SNX25: variants seen among roughly 807,000 people sequenced by gnomAD.
SNX25 encodes sorting nexin 25, also known as sorting nexin-25.
Under a neutral mutation model 113.7 loss-of-function variants are expected in SNX25, and 62 were observed. The ratio of observed to expected loss-of-function variants is 0.55; its 90% confidence interval spans 0.44 to 0.67. The LOEUF is 0.67. Among genes scored for constraint, SNX25 ranks in the 30% least tolerant of loss-of-function variants. SNX25 has a pLI of 0.00. For synonymous variants in SNX25, 421 were observed against 436.2 expected (o/e 0.97, Z 0.43); for missense variants, 1,014 against 1,161.0 (o/e 0.87, Z 1.84).
At chr4:185,220,863 T>C (rs1207953032) in intron 1 of SNX25, among the ~76,000 whole-genome samples, 2 of 152,020 alleles carry the variant, frequency 1.3e-5, no homozygotes, top group East Asian at 3.9e-4. Flanking sequence ...TTGTTAATTT[T>C]ATTTATTTAT....
intron 15 of SNX25, 152 bp from the exon 16 acceptor site, chr4:185,357,519 C>A (rs1462003655): frequency 7.0e-5 from 46 of 653,284 alleles, no homozygotes; most frequent in Non-Finnish European, 1.2e-4. Context: ...GTTTTCCTGA[C>A]CTAAACCCAA....
chr4:185,301,694 C>T (rs369054349), intron 6 of SNX25, among the ~76,000 whole-genome samples: 205 of 152,132 alleles, frequency 1.3e-3, no homozygotes, highest in Middle Eastern at 3.4e-3. Context: ...TCAAGCGATT[C>T]TTGTGCCTCA....
chr4:185,346,436 C>T (rs1579875690), intron 12 of SNX25, 101 bp from the exon 13 acceptor site: 1 of 780,072 alleles, frequency 1.3e-6, no homozygotes, highest in Non-Finnish European at 2.1e-6. Flanking sequence ...GGAACAAGTA[C>T]AGGAGGAGGA....
Position 185,334,580 on chromosome 4 carries a change from A to G in SNX25, c.1914+1821A>G, listed in dbSNP as rs2095217504. On this transcript the variant is annotated intron_variant, in intron 10 of 18. Coordinates refer to ENST00000652585, the MANE Select transcript of SNX25 (RefSeq NM_001378034.2). The surrounding 1 kb of genome is among the most constrained non-coding windows in gnomAD (Gnocchi z 4.2). ...GTATCTGCAATATGGCATGTTCTTT[A>G]AGAACAGTTGTCTTATTTATTCTGG... Among the ~76,000 whole-genome samples, 1 of 152,212 alleles carries G rather than the reference A, an allele frequency of 6.6e-6. No homozygotes were observed.
chr4:185,341,954 C>G, intron 11 of SNX25, 22 bp from the exon 12 acceptor site: 1 of 1,560,464 alleles, frequency 6.4e-7, no homozygotes, highest in Non-Finnish European at 8.7e-7. Context: ...TTGTAAGTAT[C>G]GATTTTGATG....
At chr4:185,247,433 A>G (rs1745018409) in intron 2 of SNX25, 55 bp downstream of exon 2, 3 of 1,244,898 alleles carry the variant, frequency 2.4e-6, no homozygotes, top group East Asian at 2.3e-5. Context: ...ATTATGTTCT[A>G]AGAGGAAAAT....
At chr4:185,279,191 G>A (rs1356530226) in intron 5 of SNX25, among the ~76,000 whole-genome samples, 1 of 151,780 alleles carries the variant, frequency 6.6e-6, no homozygotes, top group Non-Finnish European at 1.5e-5. Flanking sequence ...AGGGAGACAG[G>A]TGTGCATGTG....
the SNX25 span, chr4:185,378,012 T>G: frequency 5.6e-6 from 7 of 1,245,594 alleles, no homozygotes; most frequent in Middle Eastern, 2.1e-4. Flanking sequence ...TCTTGTCTCG[T>G]TTGCTCTAGC....
downstream of SNX25, among the ~76,000 whole-genome samples, chr4:185,367,974 T>C (rs549756641): frequency 1.3e-5 from 2 of 152,192 alleles, no homozygotes; most frequent in Non-Finnish European, 2.9e-5. Context: ...GGTCAGGAGA[T>C]CGAGACCATC....
intron 6 of SNX25, among the ~76,000 whole-genome samples, chr4:185,303,754 A>G (rs987506479): frequency 6.6e-6 from 1 of 150,654 alleles, no homozygotes; most frequent in Admixed American, 6.6e-5. Context: ...ACTCTTCTCC[A>G]TCATAAAGTG....
chr4:185,340,585 G>C (rs576349291), intron 11 of SNX25, among the ~76,000 whole-genome samples: 12 of 152,300 alleles, frequency 7.9e-5, no homozygotes, highest in African/African-American at 2.9e-4. Flanking sequence ...CTGTAGGAAG[G>C]TAATGGACTC....
the SNX25 span, among the ~76,000 whole-genome samples, chr4:185,376,443 C>CTTTTTTTTTTTTTTTTTTTTTTTTTTT: frequency 9.4e-6 from 1 of 105,824 alleles, no homozygotes; most frequent in African/African-American, 3.9e-5. Flanking sequence ...TGCCCAGCTA[C>CTTTTTTTTTTTTTTTTTTTTTTTTTTT]TTTTTTTTTT....
intron 5 of SNX25, among the ~76,000 whole-genome samples, chr4:185,278,678 T>G (rs1384969818): frequency 6.6e-6 from 1 of 152,078 alleles, no homozygotes; most frequent in Non-Finnish European, 1.5e-5. Flanking sequence ...TCACTCAAAA[T>G]GTAGGAGAAA....
intron 1 of SNX25, among the ~76,000 whole-genome samples, chr4:185,230,118 C>G (rs1741612312): frequency 1.3e-5 from 2 of 152,180 alleles, no homozygotes; most frequent in South Asian, 4.1e-4. Context: ...GCATGAGCCA[C>G]TGTGCCTGGC....
At chr4:185,263,532 A>G (rs1747614686) in intron 3 of SNX25, among the ~76,000 whole-genome samples, 1 of 152,160 alleles carries the variant, frequency 6.6e-6, no homozygotes, top group South Asian at 2.1e-4. Context: ...TTTCTTTTCT[A>G]GCGTTATACA....
chr4:185,307,255 T>C (rs1754589786), intron 6 of SNX25, among the ~76,000 whole-genome samples: 1 of 152,206 alleles, frequency 6.6e-6, no homozygotes, highest in African/African-American at 2.4e-5. Context: ...GCTGGGAGGA[T>C]GTGCAAACCA....
At position 185,362,723 on chromosome 4, in the gene SNX25, A is replaced by G; in HGVS notation, c.2934+12A>G. ...AGCATCTGTTATATGTGAGTAAATTAAAGCCCAGGGGGTTTCCTGCTTTAT... is the reference window on the plus strand; with the variant it reads ...AGCATCTGTTATATGTGAGTAAATTGAAGCCCAGGGGGTTTCCTGCTTTAT... On this transcript the variant is annotated intron_variant, in intron 18 of 18. Coordinates refer to ENST00000652585, the MANE Select transcript of SNX25 (RefSeq NM_001378034.2). 4.4e-6 allele frequency: 7 copies of G among 1,604,454 alleles called. No individual in the cohort carries two copies. Among genetic ancestry groups the G allele is most frequent in the Non-Finnish European group, 6.0e-6 (7 of 1,172,858 alleles).
At position 185,310,724 on chromosome 4, in the gene SNX25, T is replaced by A; in HGVS notation, c.1252T>A (p.Cys418Ser). 1 of 1,613,916 alleles carries A rather than the reference T, an allele frequency of 6.2e-7. No individual in the cohort carries two copies. Among genetic ancestry groups the A allele is most frequent in the East Asian group, 2.2e-5 (1 of 44,874 alleles). The stretch of plus-strand genomic sequence containing the variant: ...CCAACTGACTGTGGCAAAGAAGCAG[T>A]GTGAGAAGAGAATCCGAATCCTGGG... ...INQLTVAKKQCEKRIRILGGP... is the reference protein window; with the variant it reads ...INQLTVAKKQSEKRIRILGGP... Residue 418 changes from cysteine (C) to serine (S), a missense_variant, in exon 7 of 19, where the codon TGT (cysteine) becomes AGT (serine). By Grantham distance (112) the Cys-to-Ser change is moderately radical (BLOSUM62 -1). Coordinates refer to ENST00000652585, the MANE Select transcript of SNX25 (RefSeq NM_001378034.2).
intron 9 of SNX25, among the ~76,000 whole-genome samples, chr4:185,325,480 C>T (rs901094899): frequency 6.9e-6 from 1 of 145,950 alleles, no homozygotes; most frequent in Non-Finnish European, 1.5e-5. Context: ...TTGCAGTGAG[C>T]CAAGATCGTG....
Sources: gnomAD v4.1 joint callset for allele counts (sites outside exome capture counted in the v4.1 genomes callset) on GRCh38, gnomAD v4.1.1 for gene constraint, Gnocchi (gnomAD v3.1) non-coding constraint, MANE v1.5 for transcripts, NCBI Gene and HGNC (gene_info 2026-07-23, HGNC 2026-07-21) for gene names.